The following ANO2 variants were observed in gnomAD, a reference collection of about 807,000 sequenced individuals.
The protein encoded by ANO2 is anoctamin-2.
Under a neutral mutation model 124.2 loss-of-function variants are expected in ANO2, and 101 were observed. The ratio of observed to expected loss-of-function variants is 0.81; its 90% CI spans 0.69 to 0.96. The LOEUF (loss-of-function observed/expected upper bound fraction) is 0.96. ANO2 is among the 40% of genes least tolerant of loss of function. The pLI is 0.00. For missense variants in ANO2, 1,293 were observed against 1,274.5 expected (o/e 1.01, Z -0.22); for synonymous variants, 486 against 482.5 (o/e 1.01, Z -0.09).
chr12:5,602,157 AAG>A (rs1167581053), intron 19 of ANO2, among the ~76,000 whole-genome samples: 1 of 152,262 alleles, frequency 6.6e-6, no homozygotes, highest in Non-Finnish European at 1.5e-5. Context: ...AAATGACAGA[AAG>A]ATTAAAATCA....
intron 10 of ANO2, among the ~76,000 whole-genome samples, chr12:5,762,414 C>A (rs1951767776): frequency 6.6e-6 from 1 of 151,862 alleles, no homozygotes; most frequent in South Asian, 2.1e-4. Flanking sequence ...AAACTATTTA[C>A]CTCTTAGGTT....
chr12:5,632,538 C>T (rs180790891), intron 16 of ANO2, among the ~76,000 whole-genome samples: 3 of 152,132 alleles, frequency 2.0e-5, no homozygotes, highest in African/African-American at 7.2e-5. Context: ...CTTATGGAGT[C>T]CTGGACATTG....
intron 14 of ANO2, among the ~76,000 whole-genome samples, chr12:5,681,489 G>T (rs1948488033): frequency 6.6e-6 from 1 of 152,196 alleles, no homozygotes; most frequent in Non-Finnish European, 1.5e-5. Context: ...TCCTTAAGGA[G>T]TTTTTGGAGT....
chr12:5,575,625 G>GT (rs1227592189), intron 23 of ANO2, among the ~76,000 whole-genome samples: 1 of 152,182 alleles, frequency 6.6e-6, no homozygotes, highest in Non-Finnish European at 1.5e-5. Context: ...ATAGTGGTAA[G>GT]TATTTGTGTA....
intron 17 of ANO2, 120 bp from the exon 18 acceptor site, chr12:5,613,078 G>T (rs183831523): frequency 2.1e-6 from 2 of 956,648 alleles, no homozygotes; most frequent in Non-Finnish European, 1.7e-6. Context: ...TGGTCAGGGC[G>T]AGTGCTAGAT....
intron 3 of ANO2, among the ~76,000 whole-genome samples, chr12:5,889,218 A>C (rs4764581): frequency 0.9 from 137,406 of 152,158 alleles, 62,168 homozygotes; most frequent in African/African-American, 0.94. Context: ...CTGGTTCCCG[A>C]CCATGCCTCT....
intron 3 of ANO2, among the ~76,000 whole-genome samples, chr12:5,881,599 T>C (rs1938507625): frequency 6.6e-6 from 1 of 152,248 alleles, no homozygotes; most frequent in Admixed American, 6.5e-5. Context: ...ATGCAAGGCA[T>C]CATGCTAAGA....
intron 3 of ANO2, among the ~76,000 whole-genome samples, chr12:5,895,328 G>A (rs929504558): frequency 2.6e-5 from 4 of 152,098 alleles, no homozygotes; most frequent in Non-Finnish European, 5.9e-5. Flanking sequence ...TGTGATTTTT[G>A]CACATTGATT....
At chr12:5,645,941 G>T (rs755361478) in intron 15 of ANO2, among the ~76,000 whole-genome samples, 1 of 152,150 alleles carries the variant, frequency 6.6e-6, no homozygotes, top group Non-Finnish European at 1.5e-5. Context: ...ATTGCCCCTG[G>T]CCACTTCTTA....
chr12:5,884,828 G>C (rs1419691927), intron 3 of ANO2, among the ~76,000 whole-genome samples: 1 of 152,194 alleles, frequency 6.6e-6, no homozygotes, highest in Non-Finnish European at 1.5e-5. Flanking sequence ...ACAGCATGAT[G>C]AAGAAGGGCA....
At chr12:5,776,278 C>T (rs751710309) in intron 10 of ANO2, among the ~76,000 whole-genome samples, 5 of 152,146 alleles carry the variant, frequency 3.3e-5, no homozygotes, top group Non-Finnish European at 5.9e-5. Flanking sequence ...CACAGGTGTT[C>T]GACGACTGAC....
Position 5,927,499 on chromosome 12 carries a change from C to T in ANO2, c.23-4695G>A, listed in dbSNP as rs146047211. Reference sequence around the variant, plus strand: ...CAGAGTCTCCCCAAACCAGTCCTTCCGAAATCTCCTTTCTGGGCCTGCCCA... The same window carrying T: ...CAGAGTCTCCCCAAACCAGTCCTTCTGAAATCTCCTTTCTGGGCCTGCCCA... On this transcript the variant is annotated intron_variant, in intron 1 of 24. Coordinates refer to ENST00000682330, the MANE Select transcript of ANO2 (RefSeq NM_001364791.2). Among the ~76,000 whole-genome samples, 238 of 152,278 alleles carry T rather than the reference C, an allele frequency of 1.6e-3. 1 individual carries two copies. Among genetic ancestry groups the T allele is most frequent in the African/African-American group, 5.6e-3 (232 of 41,546 alleles).
intron 12 of ANO2, chr12:5,739,847 C>A: frequency 6.7e-6 from 3 of 450,338 alleles, no homozygotes; most frequent in Non-Finnish European, 8.9e-6. Flanking sequence ...GCGCCACTTG[C>A]CTCATTTGGG....
At chr12:5,920,409 G>A (rs1941631786) in intron 3 of ANO2, among the ~76,000 whole-genome samples, 1 of 152,238 alleles carries the variant, frequency 6.6e-6, no homozygotes, top group Non-Finnish European at 1.5e-5. Flanking sequence ...TGTGGCCTGA[G>A]AATGTCAAGA....
At chr12:5,916,323 G>A (rs1021042019) in intron 3 of ANO2, among the ~76,000 whole-genome samples, 3 of 150,904 alleles carry the variant, frequency 2.0e-5, no homozygotes, top group East Asian at 1.9e-4. Context: ...CATGCAGAAC[G>A]TGAATGGATC....
chr12:5,804,659 ATTT>A (rs972077308), intron 9 of ANO2, among the ~76,000 whole-genome samples: 23 of 152,180 alleles, frequency 1.5e-4, no homozygotes, highest in South Asian at 4.1e-4. Flanking sequence ...TGATGGGAAA[ATTT>A]TTTGTTAAAA....
intron 14 of ANO2, among the ~76,000 whole-genome samples, chr12:5,729,198 C>T (rs1323727932): frequency 6.6e-6 from 1 of 152,070 alleles, no homozygotes; most frequent in African/African-American, 2.4e-5. Context: ...ACTATTTCTA[C>T]ATCATATTAT....
rs1317810018 is a variant in ANO2, at chr12:5,809,103, G to C, written c.893-1735C>G. On this transcript the variant is annotated intron_variant, in intron 7 of 24. Coordinates refer to ENST00000682330, the MANE Select transcript of ANO2 (RefSeq NM_001364791.2). The stretch of plus-strand genomic sequence containing the variant: ...CATAAAACATGAGAAATAACTTTGT[G>C]GGGTGAGAGGAGCAGAGGGTGGGGA... Among the ~76,000 whole-genome samples the C allele has an allele frequency of 4.6e-5, 7 of 152,166 alleles. No individual in the cohort carries two copies. In the South Asian group the frequency reaches 8.3e-4, roughly 18 times the overall value.
At chr12:5,771,709 G>T (rs1952087534) in intron 10 of ANO2, among the ~76,000 whole-genome samples, 1 of 152,124 alleles carries the variant, frequency 6.6e-6, no homozygotes, top group Non-Finnish European at 1.5e-5. Flanking sequence ...GAACCTGGGA[G>T]GCAGAGGTTG....
Sources: gnomAD v4.1 joint callset for allele counts (sites outside exome capture counted in the v4.1 genomes callset) on GRCh38, gnomAD v4.1.1 for gene constraint, MANE v1.5 for transcripts, NCBI Gene and HGNC (gene_info 2026-07-23, HGNC 2026-07-21) for gene names.